The following BCOR variants were observed in gnomAD, a reference collection of about 807,000 sequenced individuals.
BCOR encodes the protein BCL-6 corepressor.
A neutral mutation model predicts 86.7 loss-of-function variants in BCOR; 10 were observed. The ratio of observed to expected loss-of-function variants is 0.12; its 90% CI spans 0.07 to 0.20. BCOR has a LOEUF of 0.20. Ranked by LOEUF, BCOR falls within the 10% of genes least tolerant of loss-of-function variation. BCOR has a pLI of 1.00. For synonymous variants in BCOR, 611 were observed against 609.0 expected (o/e 1.00, Z -0.05); for missense variants, 1,259 against 1,452.1 (o/e 0.87, Z 2.16).
At chrX:40,153,448 A>G (rs1938214124) in intron 1 of BCOR, among the ~76,000 whole-genome samples, 1 of 111,883 alleles carries the variant, frequency 8.9e-6, no homozygotes, top group South Asian at 3.7e-4. Flanking sequence ...GGCCGGTCTG[A>G]GCAGGCATGT....
Position 40,074,099 on chromosome X carries a change from T to C in BCOR, c.1247A>G (p.Gln416Arg). ...VPGHARKTAV[Q>R]DRKDGSSPPL... ...AGGTGAGCTGCCATCTTTTCTGTCT[T>C]GAACCGCTGTCTTCCGGGCATGCCC... The change falls in exon 4 of 15, where the codon CAA becomes CGA. Residue 416 changes from glutamine to arginine, a missense_variant. Gln to Arg is a conservative substitution (Grantham distance 43). Coordinates refer to ENST00000378444, the MANE Select transcript of BCOR (RefSeq NM_001123385.2). 1 of 1,212,324 alleles carries C rather than the reference T, an allele frequency of 8.2e-7. No homozygotes were observed. Among genetic ancestry groups the C allele is most frequent in the Non-Finnish European group, 1.1e-6 (1 of 895,602 alleles).
At chrX:40,106,375 C>T (rs988445159) in intron 1 of BCOR, among the ~76,000 whole-genome samples, 14 of 112,260 alleles carry the variant, frequency 1.2e-4, no homozygotes, top group Admixed American at 3.7e-4. Flanking sequence ...GCTCGGGCCG[C>T]GGGCGGCGTG....
At chrX:40,071,915 T>TC in intron 4 of BCOR, 3 of 396,687 alleles carry the variant, frequency 7.6e-6, no homozygotes, top group South Asian at 9.2e-5. Flanking sequence ...CTTTTTTTTT[T>TC]CCTTTCTTTT....
At chrX:40,058,525 C>T (rs1372549196) in intron 10 of BCOR, among the ~76,000 whole-genome samples, 1 of 111,849 alleles carries the variant, frequency 8.9e-6, no homozygotes, top group African/African-American at 3.3e-5. Context: ...TTTGAGCCAC[C>T]CATAAACGTG....
chrX:40,077,148 A>C, intron 2 of BCOR: 1 of 187,343 alleles, frequency 5.3e-6, no homozygotes. Context: ...GCTGAAAAGG[A>C]AGCTGCACAT....
chrX:40,063,092 G>T, intron 8 of BCOR, 21 bp from the exon 9 acceptor site: 1 of 1,070,149 alleles, frequency 9.3e-7, no homozygotes, highest in Non-Finnish European at 1.3e-6. Flanking sequence ...AGGGGGTGAC[G>T]GGGTGGCGGG....
intron 1 of BCOR, among the ~76,000 whole-genome samples, chrX:40,090,190 T>C (rs1370484662): frequency 8.9e-6 from 1 of 112,570 alleles, no homozygotes; most frequent in South Asian, 3.6e-4. Flanking sequence ...TGGTTACTCC[T>C]CCAGACGCTG....
At chrX:40,155,217 G>C (rs1938264094) in intron 1 of BCOR, among the ~76,000 whole-genome samples, 1 of 112,876 alleles carries the variant, frequency 8.9e-6, no homozygotes. Flanking sequence ...GTTTCCGAAA[G>C]GTCAGCCAAG....
At chrX:40,169,912 G>A (rs2148027854) in intron 1 of BCOR, among the ~76,000 whole-genome samples, 2 of 111,963 alleles carry the variant, frequency 1.8e-5, no homozygotes, top group South Asian at 7.4e-4. Context: ...GGAAGGGAGA[G>A]TAAGGCCGGT....
chrX:40,057,735 C>T (rs1279679573), intron 10 of BCOR, among the ~76,000 whole-genome samples: 1 of 112,382 alleles, frequency 8.9e-6, no homozygotes, highest in African/African-American at 3.2e-5. Context: ...CAAGGACATC[C>T]TCCTCACTCA....
At chrX:40,063,554 G>A (rs1935015061) in intron 8 of BCOR, 54 bp downstream of exon 8, 1 of 1,044,859 alleles carries the variant, frequency 9.6e-7, no homozygotes. Context: ...ACAGAGAGTG[G>A]ATGACCCACC....
chrX:40,171,099 G>A (rs1480926321), intron 1 of BCOR, among the ~76,000 whole-genome samples: 1 of 112,106 alleles, frequency 8.9e-6, no homozygotes, highest in Non-Finnish European at 1.9e-5. Flanking sequence ...ACTGGAGCCA[G>A]AAGCCATGTG....
intron 1 of BCOR, among the ~76,000 whole-genome samples, chrX:40,103,097 G>T (rs1937101992): frequency 9.9e-6 from 1 of 100,782 alleles, no homozygotes; most frequent in Non-Finnish European, 1.9e-5. Flanking sequence ...AGTGCGGGGG[G>T]TGGGGTGGGG....
chrX:40,140,708 G>A (rs1245781273), intron 1 of BCOR, among the ~76,000 whole-genome samples: 1 of 112,661 alleles, frequency 8.9e-6, no homozygotes, highest in Non-Finnish European at 1.9e-5. Context: ...AGGCTTGAAC[G>A]AATGCTAGTT....
intron 1 of BCOR, among the ~76,000 whole-genome samples, chrX:40,137,408 TGTG>T (rs1464588513): frequency 2.7e-5 from 3 of 109,385 alleles, no homozygotes; most frequent in Admixed American, 9.9e-5. Flanking sequence ...AATTGTCACG[TGTG>T]GTGGCACACA....
intron 1 of BCOR, among the ~76,000 whole-genome samples, chrX:40,175,430 G>C (rs111305169): frequency 1.8e-5 from 2 of 113,407 alleles, no homozygotes; most frequent in East Asian, 5.6e-4. Context: ...GACAGCAGCT[G>C]TGCGGCGAGA....
intron 1 of BCOR, among the ~76,000 whole-genome samples, chrX:40,081,335 A>C (rs1936098692): frequency 8.9e-6 from 1 of 112,154 alleles, no homozygotes; most frequent in African/African-American, 3.2e-5. Context: ...TTTCTCTGTC[A>C]TGTACAACGA....
chrX:40,110,688 T>C (rs1937293177), intron 1 of BCOR, among the ~76,000 whole-genome samples: 1 of 19,773 alleles, frequency 5.1e-5, no homozygotes, highest in Admixed American at 5.3e-4. Flanking sequence ...TTTTTTTTTT[T>C]TTTTTTTTTT....
intron 1 of BCOR, among the ~76,000 whole-genome samples, chrX:40,082,386 G>A (rs1265166636): frequency 8.9e-6 from 1 of 111,781 alleles, no homozygotes; most frequent in African/African-American, 3.3e-5. Flanking sequence ...ACGCCTCCCT[G>A]CTGTCCACAC....
Sources: allele counts gnomAD v4.1 joint callset (sites outside exome capture counted in the v4.1 genomes callset), GRCh38; gene constraint gnomAD v4.1.1; transcripts MANE v1.5; gene names NCBI Gene and HGNC (gene_info 2026-07-23, HGNC 2026-07-21).